Variants in DNASE1L1 observed in about 807,000 individuals in gnomAD.
DNASE1L1 encodes deoxyribonuclease 1 like 1, also known as deoxyribonuclease-1-like 1.
DNASE1L1 carries 8 observed loss-of-function variants against 18.6 expected under a neutral mutation model. The ratio of observed to expected loss-of-function variants is 0.43; its 90% CI spans 0.25 to 0.78. The LOEUF is 0.78. DNASE1L1 is among the 30% of genes least tolerant of loss of function. DNASE1L1 has a pLI of 0.23. For missense variants in DNASE1L1, 214 were observed against 258.2 expected, an observed-to-expected ratio of 0.83 and a Z score of 1.17; for synonymous variants, 114 against 114.2, an observed-to-expected ratio of 1.00 and a Z score of 0.01.
upstream of DNASE1L1, chrX:154,409,631 G>A (rs2068224371): frequency 1.7e-5 from 2 of 119,305 alleles, no homozygotes; most frequent in Non-Finnish European, 3.5e-5. Context: ...CTGAGTCCCA[G>A]TGTGGCTGCA....
chrX:154,406,664 CTTTTTTT>C lies in DNASE1L1; in HGVS notation c.-87-1016_-87-1010del, dbSNP rs782761679. On this transcript the variant is annotated intron_variant, in intron 1 of 7. Coordinates refer to ENST00000369807, the MANE Select transcript of DNASE1L1 (RefSeq NM_001303620.2). The stretch of plus-strand genomic sequence containing the variant: ...GATTACAGGTGTGAGCCACCGTGTC[CTTTTTTT>C]TTTTTTTTTTTTTTTTTAAATAGAG... Among the ~76,000 whole-genome samples the C allele has an allele frequency of 2.0e-3, 176 of 86,141 alleles. 1 individual carries two copies. The highest frequency in any genetic ancestry group is 6.2e-3 in the Middle Eastern group (1 of 162). The allele number at this position is 86,141 out of a possible 115,157, so 74.8% of individuals were successfully genotyped here.
rs782351883 is a variant in DNASE1L1 at position 154,402,720 on chromosome X, C to G, written c.896G>C (p.Cys299Ser). The change falls in exon 8 of 8, where the codon TGC becomes TCC. Residue 299 changes from cysteine (C) to serine (S), a missense_variant. Cys to Ser is a moderately radical substitution (Grantham distance 112). Transcript: ENST00000369807. ...GTAGGGGGACGCTCAGGCAGCAGGG[C>G]ACAGCTGAGGGGACAGGAGTGATAG... ...LLLSLLSPQL[C>S]PAA 62 of 1,208,453 alleles carry G rather than the reference C, an allele frequency of 5.1e-5. No homozygotes were observed. The highest frequency in any genetic ancestry group is 6.6e-5 in the Non-Finnish European group (59 of 894,166).
At chrX:154,410,342 C>T (rs1235082198), upstream of DNASE1L1, among the ~76,000 whole-genome samples, 1 of 110,675 alleles carries the variant, frequency 9.0e-6, no homozygotes, top group East Asian at 2.8e-4. Context: ...CACCTGAGGC[C>T]GGGAGTTCGA....
intron 5 of DNASE1L1, 48 bp from the exon 6 acceptor site, chrX:154,403,429 C>G (rs782065212): frequency 8.3e-7 from 1 of 1,199,391 alleles, no homozygotes; most frequent in South Asian, 1.8e-5. Context: ...TGGACCTTCT[C>G]CCCCTAGCCC....
chrX:154,408,679 G>A (rs1412677494), intron 1 of DNASE1L1: 1 of 114,884 alleles, frequency 8.7e-6, no homozygotes, highest in Admixed American at 9.1e-5. Flanking sequence ...CCTTCCCTTC[G>A]GGCTCACTTC....
chrX:154,407,195 C>A (rs2068170127), intron 1 of DNASE1L1, among the ~76,000 whole-genome samples: 1 of 99,080 alleles, frequency 1.0e-5, no homozygotes, highest in African/African-American at 3.7e-5. Flanking sequence ...GATCTTCCTA[C>A]CTCAGCCTCC....
At chrX:154,406,262 A>G (rs1557188453) in intron 1 of DNASE1L1, among the ~76,000 whole-genome samples, 2 of 106,065 alleles carry the variant, frequency 1.9e-5, no homozygotes, top group Admixed American at 1.0e-4. Flanking sequence ...GAGCCACCGC[A>G]CCCGGCTGTA....
At position 154,404,896 on chromosome X, in the gene DNASE1L1, G is replaced by C; in HGVS notation, c.243C>G (p.Pro81=). 2 of 1,211,693 alleles carry C rather than the reference G, an allele frequency of 1.7e-6. No homozygotes were observed. Among genetic ancestry groups the C allele is most frequent in the Non-Finnish European group, 2.2e-6 (2 of 895,404 alleles). Residue 81 remains proline (P), a synonymous_variant, in exon 4 of 8, where the codon CCC becomes CCG. Transcript: ENST00000369807. ...RELNRFDGSG[P]YSTLSSPQLG... The stretch of plus-strand genomic sequence containing the variant: ...GCTGGGGGCTGCTCAGGGTGCTGTA[G>C]GGCCCAGAGCCATCAAATCTGCCAA...
In DNASE1L1 at chrX:154,406,250, G is replaced by A. The variant is rs915271178; in HGVS notation, c.-87-595C>T. Among the ~76,000 whole-genome samples, 10 of 110,724 alleles carry A rather than the reference G, an allele frequency of 9.0e-5. No individual in the cohort carries two copies. The East Asian group carries it at 2.3e-3, about 25-fold the overall frequency. On this transcript the variant is annotated intron_variant, in intron 1 of 7. Coordinates refer to ENST00000369807, the MANE Select transcript of DNASE1L1 (RefSeq NM_001303620.2). ...CTCCCAAAATGCTGGGATTACAGGC[G>A]TGAGCCACCGCACCCGGCTGTAGAA...
chrX:154,402,606 G>A lies in DNASE1L1; in HGVS notation c.*101C>T, dbSNP rs782282210. On this transcript the variant is annotated 3_prime_UTR_variant, in exon 8 of 8. Transcript: ENST00000369807. ...GGCAGGGGTGGACTACAGTCACAGG[G>A]CAACTATAGTTGAAGCCCCCCAGCC... 6.1e-6 allele frequency: 5 copies of A among 824,654 alleles called. No homozygotes were observed. Among genetic ancestry groups the A allele is most frequent in the African/African-American group, 2.1e-5 (1 of 48,686 alleles). The allele number at this position is 824,654 out of a possible 1,213,427, so 68.0% of individuals were successfully genotyped here.
intron 5 of DNASE1L1, 59 bp downstream of exon 5, chrX:154,403,463 G>A: frequency 8.4e-7 from 1 of 1,195,181 alleles, no homozygotes. Flanking sequence ...AGCCCCCAGT[G>A]GAGCCAGCCA....
At chrX:154,406,128 G>A (rs112541422) in intron 1 of DNASE1L1, among the ~76,000 whole-genome samples, 13 of 106,160 alleles carry the variant, frequency 1.2e-4, no homozygotes, top group African/African-American at 4.1e-4. Context: ...CCTGCCACAC[G>A]CCCGGCTAAT....
chrX:154,403,586 G>C lies in DNASE1L1; in HGVS notation c.348C>G (p.Tyr116Ter), dbSNP rs1557187643. 1 of 1,211,802 alleles carries C rather than the reference G, an allele frequency of 8.3e-7. No homozygotes were observed. The highest frequency in any genetic ancestry group is 1.1e-6 in the Non-Finnish European group (1 of 895,381). ...HKTQVLSSYV[Y>*]NDEDDVFARE... ...GGGCAAAGACGTCATCCTCATCGTTGTACACGTAGGAACTCAGGACCTGTG... is the reference window on the plus strand; with the variant it reads ...GGGCAAAGACGTCATCCTCATCGTTCTACACGTAGGAACTCAGGACCTGTG... The change falls in exon 5 of 8, where the codon TAC (tyrosine) becomes TAG (stop). Residue 116 changes from tyrosine (Y) to a stop codon, truncating the protein, a stop_gained. Coordinates refer to ENST00000369807, the MANE Select transcript of DNASE1L1 (RefSeq NM_001303620.2). LOFTEE classifies it high-confidence loss of function.
Position 154,402,992 on chromosome X carries a change from T to C in DNASE1L1, c.724A>G (p.Thr242Ala). The C allele has an allele frequency of 8.3e-7, 1 of 1,211,168 alleles. No homozygotes were observed. Among genetic ancestry groups the C allele is most frequent in the South Asian group, 1.8e-5 (1 of 57,016 alleles). ...GTGGGGAAGTCAAAGGCAGCCGCAG[T>C]GTGCAGCAGACTCCGGCAGCGCTCC... ...HGERCRSLLHTAAAFDFPTSF... is the reference protein window; with the variant it reads ...HGERCRSLLHAAAAFDFPTSF... The change falls in exon 7 of 8, where the codon ACT becomes GCT. Residue 242 changes from threonine (T) to alanine (A), a missense_variant. Transcript: ENST00000369807.
Position 154,401,411 on chromosome X carries a change from A to G in DNASE1L1, c.*1296T>C, listed in dbSNP as rs1603370058. On this transcript the variant is annotated 3_prime_UTR_variant, in exon 8 of 8. Coordinates refer to ENST00000369807, the MANE Select transcript of DNASE1L1 (RefSeq NM_001303620.2). Reference sequence around the variant, plus strand: ...TATCTCTAGCAACCTCCTGGGCCCCATGCCCCCACCCCTTCTAGAACCTGC... The same window carrying G: ...TATCTCTAGCAACCTCCTGGGCCCCGTGCCCCCACCCCTTCTAGAACCTGC... 1.4e-5 allele frequency: 2 copies of G among 141,537 alleles called. No individual in the cohort carries two copies. Among genetic ancestry groups the G allele is most frequent in the East Asian group, 1.8e-4 (1 of 5,549 alleles). The allele number at this position is 141,537 out of a possible 1,213,427, so 11.7% of individuals were successfully genotyped here.
rs782112395 is a variant in DNASE1L1, at chrX:154,403,294, T to C, written c.500A>G (p.Glu167Gly). 3 of 1,209,566 alleles carry C rather than the reference T, an allele frequency of 2.5e-6. No homozygotes were observed. Among genetic ancestry groups the C allele is most frequent in the Middle Eastern group, 2.3e-4 (1 of 4,373 alleles). ...CTTGCTCTGCCAGTGCTGGGAGACC[T>C]CCAGAAACACATCGTAGAGGGCGTT... ...ELNALYDVFL[E>G]VSQHWQSKDV... Residue 167 changes from glutamate to glycine, a missense_variant, in exon 6 of 8, where the codon GAG becomes GGG. Physicochemically the swap from Glu to Gly is moderately conservative, Grantham distance 98 (BLOSUM62 -2). Coordinates refer to ENST00000369807, the MANE Select transcript of DNASE1L1 (RefSeq NM_001303620.2).
At chrX:154,402,886 G>T in intron 7 of DNASE1L1, 45 bp from the exon 8 acceptor site, 1 of 1,204,644 alleles carries the variant, frequency 8.3e-7, no homozygotes, top group Non-Finnish European at 1.1e-6. Context: ...GGGCCGAGGG[G>T]CTTCCCTGTG....
At chrX:154,410,389 C>T (rs1167481011), upstream of DNASE1L1, among the ~76,000 whole-genome samples, 2 of 108,868 alleles carry the variant, frequency 1.8e-5, no homozygotes, top group African/African-American at 6.7e-5. Flanking sequence ...CCAGCCTCTA[C>T]TAAAAATACA....
At chrX:154,404,661 G>A (rs782025988) in intron 4 of DNASE1L1, among the ~76,000 whole-genome samples, 167 bp downstream of exon 4, 142 of 112,792 alleles carry the variant, frequency 1.3e-3, no homozygotes, top group South Asian at 3.6e-4. Context: ...GGCGGGGGTC[G>A]AGGATGGGAA....
Sources: gnomAD v4.1 joint callset for allele counts (sites outside exome capture counted in the v4.1 genomes callset) on GRCh38, gnomAD v4.1.1 for gene constraint, MANE v1.5 for transcripts, NCBI Gene and HGNC (gene_info 2026-07-23, HGNC 2026-07-21) for gene names.